Variants in DNM3 observed in about 807,000 individuals in gnomAD.
DNM3 encodes dynamin-3.
Under a neutral mutation model 101.6 loss-of-function variants are expected in DNM3, and 47 were observed. The ratio of observed to expected loss-of-function variants is 0.46; its 90% CI spans 0.37 to 0.59. The LOEUF (loss-of-function observed/expected upper bound fraction) is 0.59. DNM3 is among the 20% of genes least tolerant of loss of function. The probability of loss-of-function intolerance (pLI) is 0.00; values close to 1 mark genes in which losing one functional copy is unlikely to be tolerated. For synonymous variants in DNM3, 385 were observed against 387.9 expected (o/e 0.99, Z 0.09); for missense variants, 849 against 1,085.7 (o/e 0.78, Z 3.06).
At chr1:171,857,472 A>G (rs1408210461) in intron 1 of DNM3, among the ~76,000 whole-genome samples, 2 of 152,060 alleles carry the variant, frequency 1.3e-5, no homozygotes, top group African/African-American at 4.8e-5. Flanking sequence ...TTAGAGAGGG[A>G]AGGAATGCAT....
At chr1:172,216,738 A>G (rs974141948) in intron 14 of DNM3, among the ~76,000 whole-genome samples, 3 of 151,088 alleles carry the variant, frequency 2.0e-5, no homozygotes, top group African/African-American at 7.4e-5. Flanking sequence ...GAGTAGAGGG[A>G]ATACACACAC....
At chr1:172,334,229 G>A (rs1451868247) in intron 17 of DNM3, among the ~76,000 whole-genome samples, 1 of 152,094 alleles carries the variant, frequency 6.6e-6, no homozygotes, top group Non-Finnish European at 1.5e-5. Flanking sequence ...CTATCTTAAA[G>A]TCAAAAAATT....
intron 2 of DNM3, among the ~76,000 whole-genome samples, chr1:171,978,695 A>G (rs1447964384): frequency 6.6e-6 from 1 of 152,196 alleles, no homozygotes; most frequent in Admixed American, 6.5e-5. Flanking sequence ...AATGGATTCA[A>G]TGGAGCAAGA....
At chr1:172,009,122 AATATAT>A (rs59549770) in intron 4 of DNM3, among the ~76,000 whole-genome samples, 1 of 138,064 alleles carries the variant, frequency 7.2e-6, no homozygotes, top group African/African-American at 2.7e-5. Context: ...TATATCATAT[AATATAT>A]ATATTTATAT....
At chr1:172,203,301 A>C (rs1294302089) in intron 14 of DNM3, among the ~76,000 whole-genome samples, 1 of 152,128 alleles carries the variant, frequency 6.6e-6, no homozygotes, top group East Asian at 1.9e-4. Flanking sequence ...CAAGTGCTGC[A>C]TCCGCTGAGA....
chr1:172,285,665 G>A (rs2063670251), intron 15 of DNM3, among the ~76,000 whole-genome samples: 1 of 152,116 alleles, frequency 6.6e-6, no homozygotes, highest in Admixed American at 6.6e-5. Context: ...GATATGACTT[G>A]ACATGAATTT....
chr1:171,975,771 C>T (rs1267268872), intron 2 of DNM3, among the ~76,000 whole-genome samples: 2 of 152,158 alleles, frequency 1.3e-5, no homozygotes, highest in South Asian at 2.1e-4. Context: ...ATAGCCAAAA[C>T]AACTTTGAAA....
At chr1:172,082,049 G>T in intron 12 of DNM3, 147 bp downstream of exon 12, 1 of 807,318 alleles carries the variant, frequency 1.2e-6, no homozygotes, top group Non-Finnish European at 2.0e-6. Context: ...GGAAGTCTGA[G>T]CTCCATGGTC....
intron 10 of DNM3, among the ~76,000 whole-genome samples, chr1:172,062,855 T>G (rs555341673): frequency 6.6e-6 from 1 of 150,938 alleles, no homozygotes; most frequent in Admixed American, 6.6e-5. Context: ...TTTAAAAAAT[T>G]TTTTTCATAG....
At chr1:172,038,530 C>G in intron 7 of DNM3, 69 bp downstream of exon 7, 1 of 1,566,974 alleles carries the variant, frequency 6.4e-7, no homozygotes, top group Non-Finnish European at 8.6e-7. Flanking sequence ...TTGCCTTAGT[C>G]TATTTGTCAC....
intron 9 of DNM3, 104 bp downstream of exon 9, chr1:172,044,556 A>G: frequency 1.1e-6 from 1 of 907,744 alleles, no homozygotes; most frequent in Non-Finnish European, 1.7e-6. Context: ...AATAGGGTAG[A>G]ATACAGAGGT....
intron 11 of DNM3, among the ~76,000 whole-genome samples, chr1:172,071,348 C>T (rs1377932446): frequency 6.6e-6 from 1 of 151,762 alleles, no homozygotes; most frequent in African/African-American, 2.4e-5. Flanking sequence ...TTATCAAGTG[C>T]CTGTCAAAGC....
chr1:172,245,416 G>A (rs538154225), intron 14 of DNM3, among the ~76,000 whole-genome samples: 32 of 152,254 alleles, frequency 2.1e-4, no homozygotes, highest in Non-Finnish European at 4.3e-4. Flanking sequence ...ACCAGGGTGC[G>A]AGGAACCAAG....
downstream of DNM3, among the ~76,000 whole-genome samples, chr1:172,416,671 C>T (rs909665314): frequency 1.3e-5 from 2 of 152,194 alleles, no homozygotes; most frequent in African/African-American, 4.8e-5. Flanking sequence ...ACCTCCCCAC[C>T]CTGCTGAGGT....
chr1:172,237,034 G>A (rs2061570272), intron 14 of DNM3, among the ~76,000 whole-genome samples: 1 of 152,030 alleles, frequency 6.6e-6, no homozygotes, highest in Admixed American at 6.6e-5. Flanking sequence ...TCTTTAGTTT[G>A]CGCCACACAA....
chr1:171,863,016 G>A (rs2034336794), intron 1 of DNM3, among the ~76,000 whole-genome samples: 2 of 150,114 alleles, frequency 1.3e-5, no homozygotes, highest in South Asian at 4.3e-4. Flanking sequence ...TGAGAAGTTG[G>A]AAGAGAGTCT....
intron 14 of DNM3, among the ~76,000 whole-genome samples, chr1:172,225,549 CTT>C (rs2061083821): frequency 1.3e-5 from 2 of 150,088 alleles, no homozygotes; most frequent in African/African-American, 5.0e-5. Context: ...ATTCTCAACT[CTT>C]TAGTAACTAT....
At chr1:172,074,899 C>A (rs1190665450) in intron 11 of DNM3, among the ~76,000 whole-genome samples, 1 of 152,210 alleles carries the variant, frequency 6.6e-6, no homozygotes, top group Non-Finnish European at 1.5e-5. Context: ...ACACTGTCTT[C>A]CACAATGGTT....
chr1:171,976,378 T>G (rs1203189666), intron 2 of DNM3, among the ~76,000 whole-genome samples: 5 of 152,158 alleles, frequency 3.3e-5, no homozygotes, highest in Non-Finnish European at 7.4e-5. Context: ...GGCCTCACAC[T>G]CATGGTGGAA....
Sources: gnomAD v4.1 joint callset for allele counts (sites outside exome capture counted in the v4.1 genomes callset) on GRCh38, gnomAD v4.1.1 for gene constraint, MANE v1.5 for transcripts, NCBI Gene and HGNC (gene_info 2026-07-23, HGNC 2026-07-21) for gene names.